The following TRDN variants were observed in gnomAD, a reference collection of about 807,000 sequenced individuals.
TRDN encodes triadin.
Under a neutral mutation model 149.7 loss-of-function variants are expected in TRDN, and 161 were observed. That is an observed-to-expected ratio of 1.08 (90% CI 0.95 to 1.23). The LOEUF (loss-of-function observed/expected upper bound fraction) is 1.23, where lower values mean the gene tolerates loss of function less well. TRDN is among the 50% of genes most tolerant of loss of function. TRDN has a pLI of 0.00. For missense variants in TRDN, 896 were observed against 823.5 expected, an observed-to-expected ratio of 1.09 and a Z score of -1.08; for synonymous variants, 294 against 250.5, an observed-to-expected ratio of 1.17 and a Z score of -1.64.
At chr6:123,235,867 T>C (rs1194460234) in intron 38 of TRDN, among the ~76,000 whole-genome samples, 1 of 152,192 alleles carries the variant, frequency 6.6e-6, no homozygotes, top group Non-Finnish European at 1.5e-5. Context: ...CTGCTGCACA[T>C]ATGAATTTTT....
intron 9 of TRDN, among the ~76,000 whole-genome samples, chr6:123,486,849 C>T (rs1185437347): frequency 6.6e-6 from 1 of 151,894 alleles, no homozygotes. Flanking sequence ...AGAAGACAAA[C>T]CACATTTGCC....
intron 12 of TRDN, chr6:123,421,460 C>G (rs1397521683): frequency 3.3e-5 from 5 of 152,100 alleles, no homozygotes; most frequent in African/African-American, 9.7e-5. Flanking sequence ...TATCAGCTAC[C>G]TGATAGGAAT....
chr6:123,289,333 A>G (rs1777917159), intron 24 of TRDN, among the ~76,000 whole-genome samples: 1 of 151,888 alleles, frequency 6.6e-6, no homozygotes, highest in African/African-American at 2.4e-5. Context: ...GAATAGAGGG[A>G]GAGATGGGAA....
chr6:123,248,131 A>G (rs1347129332), intron 38 of TRDN, among the ~76,000 whole-genome samples: 1 of 152,106 alleles, frequency 6.6e-6, no homozygotes, highest in Non-Finnish European at 1.5e-5. Flanking sequence ...ATAAAATTAA[A>G]CAAAAGATCA....
intron 24 of TRDN, among the ~76,000 whole-genome samples, chr6:123,305,664 G>C (rs1778582517): frequency 6.6e-6 from 1 of 152,072 alleles, no homozygotes; most frequent in South Asian, 2.1e-4. Context: ...TTGAGATGTT[G>C]GAACAAGATT....
chr6:123,327,550 A>G (rs1464311496), intron 23 of TRDN, among the ~76,000 whole-genome samples: 1 of 152,126 alleles, frequency 6.6e-6, no homozygotes, highest in African/African-American at 2.4e-5. Flanking sequence ...AATGTCATCA[A>G]TATTTAGATA....
At chr6:123,610,951 T>G (rs868445374) in intron 1 of TRDN, among the ~76,000 whole-genome samples, 1 of 152,110 alleles carries the variant, frequency 6.6e-6, no homozygotes, top group South Asian at 2.1e-4. Context: ...ACACCCAGAC[T>G]CCTGACACAG....
intron 21 of TRDN, chr6:123,351,422 A>G (rs1213183450): frequency 7.1e-6 from 7 of 984,844 alleles, no homozygotes; most frequent in South Asian, 4.7e-5. Context: ...CCCACTTTAT[A>G]TTTCAGAAAC....
chr6:123,446,033 A>T (rs1225704598), intron 10 of TRDN, among the ~76,000 whole-genome samples: 2 of 149,696 alleles, frequency 1.3e-5, no homozygotes, highest in Admixed American at 6.6e-5. Flanking sequence ...TGGCACATAT[A>T]CTCCATGGAA....
Position 123,559,207 on chromosome 6 carries a change from A to G in TRDN, c.233-10595T>C, listed in dbSNP as rs559944746. 4.8e-4 allele frequency among the ~76,000 whole-genome samples: 73 copies of G among 152,272 alleles called. 1 individual carries two copies. Among genetic ancestry groups the G allele is most frequent in the Admixed American group, 1.4e-3 (21 of 15,292 alleles). Reference sequence around the variant, plus strand: ...GTCTGTCCCCTTCTTAATCAAAATGAAAGCCACCCACTCCACATTACCTTC... The same window carrying G: ...GTCTGTCCCCTTCTTAATCAAAATGGAAGCCACCCACTCCACATTACCTTC... On this transcript the variant is annotated intron_variant, in intron 2 of 40. Coordinates refer to ENST00000334268, the MANE Select transcript of TRDN (RefSeq NM_006073.4).
intron 21 of TRDN, among the ~76,000 whole-genome samples, chr6:123,344,692 T>C (rs924131399): frequency 6.6e-6 from 1 of 152,088 alleles, no homozygotes; most frequent in South Asian, 2.1e-4. Flanking sequence ...AAGGACATCT[T>C]GGTTGCTTCC....
intron 23 of TRDN, among the ~76,000 whole-genome samples, chr6:123,328,181 C>G (rs1779530210): frequency 6.6e-6 from 1 of 152,146 alleles, no homozygotes; most frequent in African/African-American, 2.4e-5. Context: ...ACCCAGAATC[C>G]CTCGCAGTTA....
At chr6:123,442,518 C>T (rs1774972969) in intron 10 of TRDN, among the ~76,000 whole-genome samples, 2 of 142,308 alleles carry the variant, frequency 1.4e-5, no homozygotes, top group East Asian at 4.0e-4. Flanking sequence ...TGCACTCCCG[C>T]CTGGGCCACA....
chr6:123,325,868 A>C (rs1471649414), intron 23 of TRDN, among the ~76,000 whole-genome samples: 1 of 151,942 alleles, frequency 6.6e-6, no homozygotes, highest in Non-Finnish European at 1.5e-5. Flanking sequence ...CACAACACAT[A>C]CTCCTTCAAT....
intron 38 of TRDN, among the ~76,000 whole-genome samples, chr6:123,238,627 C>T (rs770065259): frequency 5.3e-5 from 8 of 151,996 alleles, no homozygotes; most frequent in East Asian, 1.9e-4. Context: ...AAATAGTCTA[C>T]GTCCATCAGA....
In TRDN at chr6:123,529,113, T is replaced by C. The variant is rs951915616; in HGVS notation, c.484+1393A>G. On this transcript the variant is annotated intron_variant, in intron 5 of 40. Coordinates refer to ENST00000334268, the MANE Select transcript of TRDN (RefSeq NM_006073.4). ...ATGCAAATGGTGCCATCTACATTAC[T>C]ACCGCCACTCCAGCAGCACTGTTAT... 2.7e-6 allele frequency: 4 copies of C among 1,489,370 alleles called. No individual in the cohort carries two copies. The African/African-American group carries it at 4.2e-5, about 16-fold the overall frequency. 92.3% of individuals were successfully genotyped at this position (1,489,370 alleles called of 1,614,324 possible). A position where few individuals can be genotyped will look rare whatever the true frequency, so the allele number is the denominator to read the frequency against.
intron 10 of TRDN, chr6:123,464,404 A>G (rs1209359854): frequency 2.1e-6 from 2 of 967,310 alleles, no homozygotes; most frequent in East Asian, 1.1e-4. Flanking sequence ...GTGTGTATAT[A>G]TATATTTCAA....
At chr6:123,249,431 ATC>A (rs1776299710) in intron 38 of TRDN, among the ~76,000 whole-genome samples, 1 of 152,126 alleles carries the variant, frequency 6.6e-6, no homozygotes, top group Non-Finnish European at 1.5e-5. Flanking sequence ...ACTACTGCAT[ATC>A]TACCCAAAGG....
intron 17 of TRDN, 40 bp downstream of exon 17, chr6:123,377,823 ATAT>A (rs1466715049): frequency 3.1e-6 from 5 of 1,603,002 alleles, no homozygotes; most frequent in South Asian, 1.1e-5. Flanking sequence ...AAATCAAATA[ATAT>A]TATGAAATTG....
Sources: gnomAD v4.1 joint callset for allele counts (sites outside exome capture counted in the v4.1 genomes callset) on GRCh38, gnomAD v4.1.1 for gene constraint, MANE v1.5 for transcripts, NCBI Gene and HGNC (gene_info 2026-07-23, HGNC 2026-07-21) for gene names.